The following ALG8 variants were observed in gnomAD, a reference collection of about 807,000 sequenced individuals.
The protein encoded by ALG8 is dolichyl pyrophosphate Glc1Man9GlcNAc2 alpha-1,3-glucosyltransferase.
A neutral mutation model predicts 70.2 loss-of-function variants in ALG8; 48 were observed. The observed-to-expected ratio is 0.68, with a 90% CI of 0.54 to 0.87. The LOEUF (loss-of-function observed/expected upper bound fraction) is 0.87. Among genes scored for constraint, ALG8 ranks in the 40% least tolerant of loss-of-function variants. The pLI, the probability that ALG8 is intolerant of heterozygous loss-of-function variation, is 0.00. For missense variants in ALG8, 572 were observed against 608.7 expected (o/e 0.94, Z 0.64); for synonymous variants, 234 against 229.0 (o/e 1.02, Z -0.20).
At chr11:78,125,930 C>T (rs12292995) in intron 2 of ALG8, among the ~76,000 whole-genome samples, 14 of 150,804 alleles carry the variant, frequency 9.3e-5, no homozygotes, top group Non-Finnish European at 1.8e-4. Context: ...GAGGCCGAGG[C>T]GGGCAGATCA....
At chr11:78,120,762 T>TA (rs1358951505) in intron 4 of ALG8, among the ~76,000 whole-genome samples, 3 of 152,226 alleles carry the variant, frequency 2.0e-5, no homozygotes, top group Admixed American at 1.3e-4. Context: ...AATAATGTGT[T>TA]ACAAAACTAT....
At chr11:78,119,987 A>T (rs916315142) in intron 4 of ALG8, among the ~76,000 whole-genome samples, 2 of 152,078 alleles carry the variant, frequency 1.3e-5, no homozygotes, top group African/African-American at 4.8e-5. Flanking sequence ...CTGTAGTCCC[A>T]GCTACTCGGG....
chr11:78,111,193 G>A (rs1332149017), intron 8 of ALG8, among the ~76,000 whole-genome samples: 2 of 152,146 alleles, frequency 1.3e-5, no homozygotes, highest in Non-Finnish European at 2.9e-5. Flanking sequence ...TGTGCCCAGG[G>A]CTCTGCACTT....
chr11:78,104,772 T>A (rs1427045888), intron 10 of ALG8, among the ~76,000 whole-genome samples: 1 of 152,196 alleles, frequency 6.6e-6, no homozygotes, highest in Non-Finnish European at 1.5e-5. Context: ...AAGAGCAGCC[T>A]GGCCAACATG....
chr11:78,126,891 GAAGT>G (rs1419922847), intron 2 of ALG8, among the ~76,000 whole-genome samples: 1 of 152,176 alleles, frequency 6.6e-6, no homozygotes, highest in Non-Finnish European at 1.5e-5. Flanking sequence ...AACTCATTTT[GAAGT>G]AAGGGGATTC....
At chr11:78,136,867 C>T (rs1861575708) in intron 1 of ALG8, among the ~76,000 whole-genome samples, 1 of 151,736 alleles carries the variant, frequency 6.6e-6, no homozygotes, top group African/African-American at 2.4e-5. Flanking sequence ...CTTGCTGCTT[C>T]ACCTTGTACT....
chr11:78,132,727 C>A (rs2136944223), intron 1 of ALG8, among the ~76,000 whole-genome samples: 1 of 152,256 alleles, frequency 6.6e-6, no homozygotes, highest in Admixed American at 6.5e-5. Flanking sequence ...CTCATTCACA[C>A]TTTAGGCCTC....
At chr11:78,114,670 A>T (rs1860477248) in intron 5 of ALG8, 1 of 461,974 alleles carries the variant, frequency 2.2e-6, no homozygotes. Flanking sequence ...AGGTTATTTA[A>T]AAAACTAAAA....
At chr11:78,104,591 T>C (rs572445579) in intron 10 of ALG8, 138 bp from the exon 11 acceptor site, 126 of 742,372 alleles carry the variant, frequency 1.7e-4, no homozygotes, top group Admixed American at 4.4e-4. Flanking sequence ...TTCAATTTAG[T>C]TGAGAATATT....
At chr11:78,124,420 T>G (rs981114782) in intron 2 of ALG8, among the ~76,000 whole-genome samples, 1 of 152,184 alleles carries the variant, frequency 6.6e-6, no homozygotes, top group African/African-American at 2.4e-5. Context: ...CTGGGCAACA[T>G]GGTAAAACCC....
intron 1 of ALG8, among the ~76,000 whole-genome samples, chr11:78,128,624 T>C (rs945059637): frequency 2.0e-5 from 3 of 151,770 alleles, no homozygotes; most frequent in Non-Finnish European, 2.9e-5. Flanking sequence ...TTTTTTTTTT[T>C]TTTTGGAGAC....
At chr11:78,116,981 A>G (rs1307580235) in intron 5 of ALG8, among the ~76,000 whole-genome samples, 5 of 152,168 alleles carry the variant, frequency 3.3e-5, no homozygotes, top group African/African-American at 1.2e-4. Flanking sequence ...GTCAAATTTT[A>G]TTTGTTCAAT....
At chr11:78,120,482 C>A (rs1422981437) in intron 4 of ALG8, among the ~76,000 whole-genome samples, 1 of 149,410 alleles carries the variant, frequency 6.7e-6, no homozygotes, top group Non-Finnish European at 1.5e-5. Flanking sequence ...CATTCATCTA[C>A]TCATGGTTCT....
intron 4 of ALG8, among the ~76,000 whole-genome samples, 168 bp from the exon 5 acceptor site, chr11:78,119,417 T>A (rs1860719658): frequency 7.1e-6 from 1 of 140,488 alleles, no homozygotes; most frequent in Non-Finnish European, 1.5e-5. Flanking sequence ...CAGATTCAAA[T>A]TTTTTTTTTA....
chr11:78,139,421 C>G, intron 1 of ALG8, 73 bp downstream of exon 1: 1 of 1,411,368 alleles, frequency 7.1e-7, no homozygotes, highest in Non-Finnish European at 9.8e-7. Flanking sequence ...CCAGGGATAT[C>G]CACACCTTTC....
chr11:78,105,801 C>G (rs1440395647), intron 10 of ALG8, among the ~76,000 whole-genome samples: 2 of 151,858 alleles, frequency 1.3e-5, no homozygotes, highest in African/African-American at 2.4e-5. Flanking sequence ...CTTCACCTCC[C>G]AGGTTCAAAG....
At chr11:78,135,792 G>C (rs1246285776) in intron 1 of ALG8, among the ~76,000 whole-genome samples, 1 of 151,606 alleles carries the variant, frequency 6.6e-6, no homozygotes, top group Non-Finnish European at 1.5e-5. Context: ...AGGTTGCAGT[G>C]AGCTGAGATT....
At chr11:78,119,001 T>G (rs1860703476) in intron 5 of ALG8, among the ~76,000 whole-genome samples, 181 bp downstream of exon 5, 1 of 152,158 alleles carries the variant, frequency 6.6e-6, no homozygotes, top group Non-Finnish European at 1.5e-5. Flanking sequence ...ATCTGTTAAA[T>G]GAAGAAAATT....
chr11:78,121,152 T>C lies in ALG8; in HGVS notation c.391A>G (p.Lys131Glu), dbSNP rs1860805088. 3 of 1,613,528 alleles carry C rather than the reference T, an allele frequency of 1.9e-6. No individual in the cohort carries two copies. The highest frequency in any genetic ancestry group is 2.2e-5 in the South Asian group (2 of 91,078). The change falls in exon 4 of 13, where the codon AAA (lysine) becomes GAA (glutamate). Residue 131 changes from lysine (K) to glutamate (E), a missense_variant. Lys to Glu is a moderately conservative substitution (Grantham distance 56). Coordinates refer to ENST00000299626, the MANE Select transcript of ALG8 (RefSeq NM_024079.5). ...VRECCKCIDG[K>E]KVGKELTEKP... ...TCTGTAAGTTCTTTACCCACTTTTT[T>C]TCCATCAATGCATTTACAGCACCTA...
Sources: allele counts gnomAD v4.1 joint callset (sites outside exome capture counted in the v4.1 genomes callset), GRCh38; gene constraint gnomAD v4.1.1; transcripts MANE v1.5; gene names NCBI Gene and HGNC (gene_info 2026-07-23, HGNC 2026-07-21).